NUDCD3: variants seen among roughly 807,000 people sequenced by gnomAD.
NUDCD3 encodes nudC domain-containing protein 3.
NUDCD3 carries 13 observed loss-of-function variants against 39.7 expected under a neutral mutation model. That is an observed-to-expected ratio of 0.33 (90% confidence interval 0.21 to 0.52). The LOEUF (loss-of-function observed/expected upper bound fraction) is 0.52. Among genes scored for constraint, NUDCD3 ranks in the 20% least tolerant of loss-of-function variants. The pLI, the probability that NUDCD3 is intolerant of heterozygous loss-of-function variation, is 0.96. For synonymous variants in NUDCD3, 175 were observed against 172.4 expected (o/e 1.02, Z -0.12); for missense variants, 453 against 458.1 (o/e 0.99, Z 0.10).
At chr7:44,439,531 TG>T (rs1799535384) in intron 2 of NUDCD3, among the ~76,000 whole-genome samples, 1 of 149,572 alleles carries the variant, frequency 6.7e-6, no homozygotes, top group African/African-American at 2.5e-5. Context: ...ATTCTAGGAC[TG>T]GAACAGAGAA....
At chr7:44,483,088 ATG>A (rs1554496630) in intron 2 of NUDCD3, among the ~76,000 whole-genome samples, 1 of 151,162 alleles carries the variant, frequency 6.6e-6, no homozygotes, top group South Asian at 2.1e-4. Context: ...GTGTGTGTGT[ATG>A]TGTGTGTGTG....
intron 2 of NUDCD3, among the ~76,000 whole-genome samples, chr7:44,472,704 A>C (rs1205549522): frequency 6.6e-6 from 1 of 152,260 alleles, no homozygotes; most frequent in South Asian, 2.1e-4. Context: ...AAGAATGGAA[A>C]AAAATACAGA....
chr7:44,465,949 A>T (rs911629228), intron 2 of NUDCD3, among the ~76,000 whole-genome samples: 1 of 152,218 alleles, frequency 6.6e-6, no homozygotes, highest in African/African-American at 2.4e-5. Flanking sequence ...GCAAAATCAC[A>T]GATGCTTGGC....
Position 44,382,497 on chromosome 7 carries a change from A to G in NUDCD3, c.*3514T>C, listed in dbSNP as rs2116849111. 1 of 152,270 alleles carries G rather than the reference A, an allele frequency of 6.6e-6. No individual in the cohort carries two copies. Among genetic ancestry groups the G allele is most frequent in the Non-Finnish European group, 1.5e-5 (1 of 68,024 alleles). 9.4% of individuals were successfully genotyped at this position (152,270 alleles called of 1,614,324 possible). On this transcript the variant is annotated 3_prime_UTR_variant, in exon 6 of 6. Coordinates refer to ENST00000355451, the MANE Select transcript of NUDCD3 (RefSeq NM_015332.4). ...CCCAGGGCTTTGTGACCCTGTCCCT[A>G]TGGGGCACCCTGGCGTCCAGTGGGC...
At chr7:44,486,473 C>T (rs1019985028) in intron 1 of NUDCD3, among the ~76,000 whole-genome samples, 18 of 151,670 alleles carry the variant, frequency 1.2e-4, no homozygotes, top group African/African-American at 3.9e-4. Flanking sequence ...TAAAAAACTA[C>T]GCAGCACACA....
chr7:44,454,458 A>C (rs1161964044), intron 2 of NUDCD3, among the ~76,000 whole-genome samples: 4 of 152,244 alleles, frequency 2.6e-5, no homozygotes, highest in Admixed American at 6.5e-5. Context: ...ATTATTGTTA[A>C]ATGACTGAAT....
intron 1 of NUDCD3, among the ~76,000 whole-genome samples, chr7:44,489,053 T>C (rs1800677279): frequency 6.6e-6 from 1 of 152,246 alleles, no homozygotes; most frequent in South Asian, 2.1e-4. Context: ...TATGGAATGG[T>C]TAAACAACAG....
intron 3 of NUDCD3, among the ~76,000 whole-genome samples, chr7:44,417,937 C>T (rs1026991548): frequency 1.3e-5 from 2 of 152,116 alleles, no homozygotes; most frequent in South Asian, 2.1e-4. Context: ...TACTTGCTGC[C>T]GAAGCCAGGC....
chr7:44,436,514 G>A (rs1799466241), intron 2 of NUDCD3, among the ~76,000 whole-genome samples: 1 of 152,174 alleles, frequency 6.6e-6, no homozygotes, highest in Non-Finnish European at 1.5e-5. Context: ...CTGTTTTCCA[G>A]AGGGATTGCC....
chr7:44,395,636 C>T lies in NUDCD3; in HGVS notation c.787-3151G>A, dbSNP rs917696436. Among the ~76,000 whole-genome samples the T allele has an allele frequency of 4.6e-5, 7 of 152,174 alleles. No homozygotes were observed. In the East Asian group the frequency reaches 5.8e-4, roughly 13 times the overall value. On this transcript the variant is annotated intron_variant, in intron 4 of 5. Transcript: ENST00000355451. ...AATGATTCTGCCTCTACAGATTTGC[C>T]GGTTCTGGACATTTCACACAAATGG...
chr7:44,455,139 T>G (rs1416902360), intron 2 of NUDCD3, among the ~76,000 whole-genome samples: 1 of 152,092 alleles, frequency 6.6e-6, no homozygotes, highest in Non-Finnish European at 1.5e-5. Flanking sequence ...TGTAAGATGC[T>G]GACTCCCAAA....
intron 2 of NUDCD3, among the ~76,000 whole-genome samples, chr7:44,460,597 A>C (rs987357456): frequency 6.6e-6 from 1 of 152,120 alleles, no homozygotes; most frequent in African/African-American, 2.4e-5. Context: ...AAAATTTACC[A>C]CTGACTACAT....
intron 3 of NUDCD3, among the ~76,000 whole-genome samples, chr7:44,420,251 A>C (rs1417302312): frequency 5.3e-5 from 8 of 152,026 alleles, no homozygotes; most frequent in Non-Finnish European, 1.0e-4. Context: ...AGAATATCTG[A>C]GATTGAAGAT....
chr7:44,463,968 C>A (rs966166633), intron 2 of NUDCD3, among the ~76,000 whole-genome samples: 2 of 152,076 alleles, frequency 1.3e-5, no homozygotes, highest in Non-Finnish European at 2.9e-5. Context: ...GATCCCAGCA[C>A]TTTGGGAGGC....
chr7:44,485,322 C>T (rs773287833), intron 1 of NUDCD3, 38 bp from the exon 2 acceptor site: 1 of 1,476,660 alleles, frequency 6.8e-7, no homozygotes, highest in African/African-American at 1.4e-5. Context: ...AGTTCATCTG[C>T]CCAATACTGT....
rs184234667 is a variant in NUDCD3, at chr7:44,417,945, G to A, written c.642+9626C>T. 4.6e-5 allele frequency among the ~76,000 whole-genome samples: 7 copies of A among 152,260 alleles called. No individual in the cohort carries two copies. In the East Asian group the frequency reaches 5.8e-4, roughly 13 times the overall value. ...ACACAGCTACTTGCTGCCGAAGCCA[G>A]GCCACCAGCAACTCACTGATCTGTG... is the stretch of plus-strand genomic sequence containing the variant. On this transcript the variant is annotated intron_variant, in intron 3 of 5. Transcript: ENST00000355451.
intron 4 of NUDCD3, 89 bp downstream of exon 4, chr7:44,404,351 T>G: frequency 7.4e-7 from 1 of 1,352,722 alleles, no homozygotes; most frequent in Non-Finnish European, 1.0e-6. Context: ...CCTCACTGCT[T>G]AAGTGTAAAT....
chr7:44,438,806 G>C (rs1208609990), intron 2 of NUDCD3, among the ~76,000 whole-genome samples: 1 of 152,288 alleles, frequency 6.6e-6, no homozygotes, highest in Non-Finnish European at 1.5e-5. Flanking sequence ...GCCAGAAAAA[G>C]AGCAAGCTCT....
At chr7:44,436,801 A>G (rs1332081556) in intron 2 of NUDCD3, among the ~76,000 whole-genome samples, 2 of 152,182 alleles carry the variant, frequency 1.3e-5, no homozygotes, top group Non-Finnish European at 1.5e-5. Flanking sequence ...ATATATGTGG[A>G]TAAGAATTAT....
Sources: allele counts gnomAD v4.1 joint callset (sites outside exome capture counted in the v4.1 genomes callset), GRCh38; gene constraint gnomAD v4.1.1; transcripts MANE v1.5; gene names NCBI Gene and HGNC (gene_info 2026-07-23, HGNC 2026-07-21).